Variants in SNTG1 observed in about 807,000 individuals in gnomAD.
SNTG1 encodes the protein syntrophin gamma 1.
In SNTG1, 39 loss-of-function variants were observed where a neutral mutation model predicts 74.7. The ratio of observed to expected loss-of-function variants is 0.52; its 90% confidence interval spans 0.40 to 0.68. The LOEUF (loss-of-function observed/expected upper bound fraction) is 0.68. Among genes scored for constraint, SNTG1 ranks in the 30% least tolerant of loss-of-function variants. The probability of loss-of-function intolerance (pLI) is 0.00; values close to 1 mark genes in which losing one functional copy is unlikely to be tolerated. For missense variants in SNTG1, 685 were observed against 609.5 expected, an observed-to-expected ratio of 1.12 and a Z score of -1.30; for synonymous variants, 254 against 217.1, an observed-to-expected ratio of 1.17 and a Z score of -1.49.
rs772066991 is a variant in SNTG1 at position 50,773,981 on chromosome 8, C to T, written c.1396-18690C>T. ...GAAATTTTAAAAATTCTGAGATGAA[C>T]TGAACAAAACATTTGAGTTTATGAA... On this transcript the variant is annotated intron_variant, in intron 18 of 18. Transcript: ENST00000642720. Among the ~76,000 whole-genome samples, 5 of 151,864 alleles carry T rather than the reference C, an allele frequency of 3.3e-5. No homozygotes were observed. The South Asian group carries it at 6.2e-4, about 19-fold the overall frequency.
intron 13 of SNTG1, among the ~76,000 whole-genome samples, chr8:50,636,502 G>T (rs1387252681): frequency 6.6e-6 from 1 of 152,038 alleles, no homozygotes; most frequent in Non-Finnish European, 1.5e-5. Flanking sequence ...TTATCTAAAT[G>T]CTTCCTCCGT....
chr8:50,279,466 CAA>C (rs1303327665), intron 2 of SNTG1, among the ~76,000 whole-genome samples: 1 of 152,052 alleles, frequency 6.6e-6, no homozygotes, highest in Non-Finnish European at 1.5e-5. Flanking sequence ...ATAAGTAGAA[CAA>C]AGTTTTTTCA....
intron 17 of SNTG1, among the ~76,000 whole-genome samples, chr8:50,717,402 C>G (rs1162277587): frequency 6.6e-6 from 1 of 152,104 alleles, no homozygotes; most frequent in Non-Finnish European, 1.5e-5. Flanking sequence ...TCCTTCAAAC[C>G]TGCATGAATT....
In SNTG1 at chr8:50,013,502, GAT is replaced by G. The variant is rs1420388639; in HGVS notation, c.-103+101273_-103+101274del. 9.2e-4 allele frequency among the ~76,000 whole-genome samples: 138 copies of G among 150,698 alleles called. 1 individual carries two copies. The highest frequency in any genetic ancestry group is 1.8e-3 in the Admixed American group (28 of 15,140). Reference sequence around the variant, plus strand: ...AGATAGATAGATAGATAGATAGATAGATAGAGATATATATGTATGTGCACATA... The same window carrying G: ...AGATAGATAGATAGATAGATAGATAGAGAGATATATATGTATGTGCACATA... On this transcript the variant is annotated intron_variant, in intron 1 of 18. Transcript: ENST00000642720.
At chr8:50,103,816 A>G (rs551579451) in intron 1 of SNTG1, among the ~76,000 whole-genome samples, 38 of 152,314 alleles carry the variant, frequency 2.5e-4, no homozygotes, top group African/African-American at 8.7e-4. Flanking sequence ...CTATTGAGAT[A>G]GTCATGTGGT....
At chr8:50,627,444 C>T (rs966281802) in intron 13 of SNTG1, among the ~76,000 whole-genome samples, 4 of 152,170 alleles carry the variant, frequency 2.6e-5, no homozygotes, top group Middle Eastern at 3.2e-3. Context: ...TTCACAACAG[C>T]ATTTTGGAAG....
chr8:50,711,680 C>T (rs1311184948), intron 17 of SNTG1, among the ~76,000 whole-genome samples: 2 of 152,096 alleles, frequency 1.3e-5, no homozygotes, highest in Non-Finnish European at 2.9e-5. Context: ...TTGGAAGTTC[C>T]CAGAGTAAAC....
chr8:50,402,906 C>G (rs1231771079), intron 4 of SNTG1, among the ~76,000 whole-genome samples: 1 of 152,172 alleles, frequency 6.6e-6, no homozygotes, highest in Non-Finnish European at 1.5e-5. Context: ...TTACACTGCT[C>G]CTAATCTAAC....
chr8:50,104,539 C>G (rs201819238), intron 1 of SNTG1, among the ~76,000 whole-genome samples: 1 of 151,860 alleles, frequency 6.6e-6, no homozygotes, highest in East Asian at 1.9e-4. Context: ...TTTTTTGAAG[C>G]GTTTTTTTGT....
At chr8:50,709,938 G>C (rs983451994) in intron 17 of SNTG1, among the ~76,000 whole-genome samples, 58 of 152,136 alleles carry the variant, frequency 3.8e-4, no homozygotes, top group Admixed American at 3.7e-3. Flanking sequence ...TTTTGTGTAG[G>C]ATTTTCTAAA....
At chr8:50,045,999 G>A (rs923241779) in intron 1 of SNTG1, among the ~76,000 whole-genome samples, 1 of 152,170 alleles carries the variant, frequency 6.6e-6, no homozygotes, top group Non-Finnish European at 1.5e-5. Flanking sequence ...GAGCCACAGG[G>A]TGTGTGTAGC....
intron 2 of SNTG1, among the ~76,000 whole-genome samples, chr8:50,232,515 C>A (rs1426687618): frequency 6.6e-6 from 1 of 151,346 alleles, no homozygotes; most frequent in African/African-American, 2.4e-5. Context: ...AATCTTTACC[C>A]TTGAGTTTAG....
At chr8:50,594,929 T>G (rs2094716552) in intron 13 of SNTG1, among the ~76,000 whole-genome samples, 1 of 151,846 alleles carries the variant, frequency 6.6e-6, no homozygotes, top group South Asian at 2.1e-4. Flanking sequence ...TCTCTGGCAA[T>G]ATGTTGGCTT....
intron 1 of SNTG1, among the ~76,000 whole-genome samples, chr8:50,102,027 A>G (rs1333515566): frequency 6.6e-6 from 1 of 152,100 alleles, no homozygotes; most frequent in Admixed American, 6.6e-5. Context: ...ATACGTGTGC[A>G]TGTGTCTTTA....
intron 18 of SNTG1, among the ~76,000 whole-genome samples, chr8:50,782,770 A>G (rs6473369): frequency 0.43 from 65,966 of 152,034 alleles, 16,487 homozygotes; most frequent in African/African-American, 0.7. Flanking sequence ...CTTTGGAGGA[A>G]GAGAGGTGCT....
rs1194645722 is a variant in SNTG1, at chr8:50,243,952, G to A, written c.-28+71317G>A. On this transcript the variant is annotated intron_variant, in intron 2 of 18. Transcript: ENST00000642720. ...GTTTTGGGGGAAGGAGAATATATTA[G>A]ACCATTCTTGCATTGCTGTAAAGAA... Among the ~76,000 whole-genome samples, 7 of 152,230 alleles carry A rather than the reference G, an allele frequency of 4.6e-5. No individual in the cohort carries two copies. In the South Asian group the frequency reaches 1.0e-3, roughly 23 times the overall value.
rs188084370 is a variant in SNTG1 at position 50,222,255 on chromosome 8, G to T, written c.-28+49620G>T. 1.3e-3 allele frequency among the ~76,000 whole-genome samples: 205 copies of T among 152,272 alleles called. 1 individual carries two copies. The highest frequency in any genetic ancestry group is 0.01 in the Middle Eastern group (3 of 294). ...TTATAGAAACTCATCCTCCTAACCT[G>T]GTGGTCTTTCATTAGATTTATAAAG... On this transcript the variant is annotated intron_variant, in intron 2 of 18. Coordinates refer to ENST00000642720, the MANE Select transcript of SNTG1 (RefSeq NM_018967.5).
intron 2 of SNTG1, among the ~76,000 whole-genome samples, chr8:50,390,651 T>G (rs2092644389): frequency 6.6e-6 from 1 of 152,172 alleles, no homozygotes; most frequent in African/African-American, 2.4e-5. Flanking sequence ...ATCTATAAAT[T>G]ACCTTGGGCA....
chr8:50,325,187 T>C (rs2090696003), intron 2 of SNTG1, among the ~76,000 whole-genome samples: 1 of 151,522 alleles, frequency 6.6e-6, no homozygotes, highest in Non-Finnish European at 1.5e-5. Context: ...TTCTACAATA[T>C]TGTATTGCCC....
Sources: allele counts gnomAD v4.1 joint callset (sites outside exome capture counted in the v4.1 genomes callset), GRCh38; gene constraint gnomAD v4.1.1; transcripts MANE v1.5; gene names NCBI Gene and HGNC (gene_info 2026-07-23, HGNC 2026-07-21).